DIS3L2: variants seen among roughly 807,000 people sequenced by gnomAD.
The protein encoded by DIS3L2 is DIS3-like exonuclease 2.
A neutral mutation model predicts 97.5 loss-of-function variants in DIS3L2; 34 were observed. The observed-to-expected ratio is 0.35, with a 90% confidence interval of 0.27 to 0.46. DIS3L2 has a LOEUF of 0.46. Ranked by LOEUF, DIS3L2 falls within the 20% of genes least tolerant of loss-of-function variation. The pLI, the probability that DIS3L2 is intolerant of heterozygous loss-of-function variation, is 1.00. For missense variants in DIS3L2, 1,038 were observed against 1,146.0 expected (o/e 0.91, Z 1.36); for synonymous variants, 435 against 445.2 (o/e 0.98, Z 0.29).
At chr2:232,237,039 C>T (rs936061501) in intron 10 of DIS3L2, among the ~76,000 whole-genome samples, 1 of 152,162 alleles carries the variant, frequency 6.6e-6, no homozygotes, top group Admixed American at 6.5e-5. Flanking sequence ...CATGAGCCAC[C>T]GTGCCCAGCC....
intron 1 of DIS3L2, among the ~76,000 whole-genome samples, chr2:231,971,645 A>G (rs1309069325): frequency 6.6e-6 from 1 of 151,812 alleles, no homozygotes; most frequent in African/African-American, 2.4e-5. Context: ...GACGGGTTTC[A>G]CCGTGTTAGC....
At chr2:232,191,063 G>A (rs1249596472) in intron 9 of DIS3L2, among the ~76,000 whole-genome samples, 1 of 152,180 alleles carries the variant, frequency 6.6e-6, no homozygotes, top group African/African-American at 2.4e-5. Context: ...TGCAGTGAGT[G>A]GAGCGAAAGC....
chr2:232,270,883 TCTCTCTC>T (rs1559185205), intron 13 of DIS3L2, among the ~76,000 whole-genome samples: 4 of 147,382 alleles, frequency 2.7e-5, no homozygotes, highest in South Asian at 2.1e-4. Flanking sequence ...TCTCTCTCTC[TCTCTCTC>T]TCTCTCTCTC....
chr2:231,981,673 A>G (rs1483473536), intron 1 of DIS3L2, among the ~76,000 whole-genome samples: 1 of 146,166 alleles, frequency 6.8e-6, no homozygotes, highest in Non-Finnish European at 1.5e-5. Flanking sequence ...ATATTTATAT[A>G]TAAATAAGTT....
At chr2:232,078,943 A>G (rs1696297824) in intron 5 of DIS3L2, among the ~76,000 whole-genome samples, 1 of 152,192 alleles carries the variant, frequency 6.6e-6, no homozygotes, top group South Asian at 2.1e-4. Flanking sequence ...TGCTTTTTGG[A>G]GTAGGTCTTA....
At chr2:231,995,826 A>G (rs1160445254) in intron 1 of DIS3L2, among the ~76,000 whole-genome samples, 1 of 152,234 alleles carries the variant, frequency 6.6e-6, no homozygotes, top group Non-Finnish European at 1.5e-5. Context: ...TGACTCCACT[A>G]TGTTACTAGA....
intron 10 of DIS3L2, among the ~76,000 whole-genome samples, chr2:232,231,407 C>T (rs1309668773): frequency 3.9e-5 from 6 of 152,220 alleles, no homozygotes; most frequent in Non-Finnish European, 8.8e-5. Context: ...CTAAAAGCAC[C>T]TAGCCCTGCT....
chr2:232,314,500 C>T (rs1235179362), intron 14 of DIS3L2, among the ~76,000 whole-genome samples: 2 of 152,088 alleles, frequency 1.3e-5, no homozygotes, highest in African/African-American at 4.8e-5. Flanking sequence ...TCACTATTCT[C>T]ACACTCCACC....
intron 14 of DIS3L2, among the ~76,000 whole-genome samples, chr2:232,313,685 T>C (rs756531539): frequency 1.1e-4 from 16 of 152,196 alleles, no homozygotes; most frequent in Non-Finnish European, 2.1e-4. Flanking sequence ...TCTCTTTATA[T>C]CCCTGTGTTT....
intron 18 of DIS3L2, 29 bp downstream of exon 18, chr2:232,334,528 C>G: frequency 1.2e-6 from 2 of 1,611,780 alleles, no homozygotes; most frequent in Non-Finnish European, 1.7e-6. Context: ...TGCCCCTCAC[C>G]TCCCTCTGGC....
chr2:232,267,984 G>A (rs1156554381), intron 13 of DIS3L2, among the ~76,000 whole-genome samples: 2 of 152,222 alleles, frequency 1.3e-5, no homozygotes, highest in African/African-American at 2.4e-5. Context: ...ACTGCCTGCT[G>A]GGGTTCTCTC....
chr2:232,286,409 A>C (rs1694434827), intron 13 of DIS3L2, among the ~76,000 whole-genome samples: 1 of 152,226 alleles, frequency 6.6e-6, no homozygotes. Flanking sequence ...AGTCCTACAG[A>C]AAGCAAGCCA....
At chr2:232,053,739 T>C (rs1695470946) in intron 5 of DIS3L2, among the ~76,000 whole-genome samples, 1 of 152,220 alleles carries the variant, frequency 6.6e-6, no homozygotes, top group South Asian at 2.1e-4. Context: ...ATAGTGCCTC[T>C]ATGGAGGGGC....
At chr2:232,112,885 G>T (rs1697582038) in intron 6 of DIS3L2, among the ~76,000 whole-genome samples, 1 of 152,252 alleles carries the variant, frequency 6.6e-6, no homozygotes, top group South Asian at 2.1e-4. Context: ...AGTAGGGCTT[G>T]CCAAGTGAAA....
At chr2:232,137,932 A>G (rs1698403602) in intron 8 of DIS3L2, among the ~76,000 whole-genome samples, 1 of 152,176 alleles carries the variant, frequency 6.6e-6, no homozygotes, top group South Asian at 2.1e-4. Flanking sequence ...CTCACCATCA[A>G]ATCAAAAGGC....
chr2:232,144,212 A>C (rs1184654390), intron 8 of DIS3L2, among the ~76,000 whole-genome samples: 1 of 152,104 alleles, frequency 6.6e-6, no homozygotes, highest in African/African-American at 2.4e-5. Flanking sequence ...TACATGTTTA[A>C]CTTTACAACT....
At chr2:232,021,124 G>A (rs1694499628) in intron 3 of DIS3L2, among the ~76,000 whole-genome samples, 1 of 152,168 alleles carries the variant, frequency 6.6e-6, no homozygotes, top group African/African-American at 2.4e-5. Context: ...CTATGGTACT[G>A]TTTAGCTCCT....
chr2:232,083,419 T>C (rs1173117400), intron 5 of DIS3L2, among the ~76,000 whole-genome samples: 1 of 152,062 alleles, frequency 6.6e-6, no homozygotes, highest in Non-Finnish European at 1.5e-5. Context: ...CCAAATCCTT[T>C]GTGGAACCAC....
chr2:232,066,922 G>A (rs1213279717), intron 5 of DIS3L2, among the ~76,000 whole-genome samples: 2 of 152,026 alleles, frequency 1.3e-5, no homozygotes, highest in African/African-American at 4.8e-5. Flanking sequence ...TCGGCATAAA[G>A]CTGTTCATAA....
Sources: gnomAD v4.1 joint callset for allele counts (sites outside exome capture counted in the v4.1 genomes callset) on GRCh38, gnomAD v4.1.1 for gene constraint, MANE v1.5 for transcripts, NCBI Gene and HGNC (gene_info 2026-07-23, HGNC 2026-07-21) for gene names.